The following TSEN2 variants were observed in gnomAD, a reference collection of about 807,000 sequenced individuals.
TSEN2 encodes the protein tRNA splicing endonuclease subunit 2, also known as tRNA-splicing endonuclease subunit Sen2.
Under a neutral mutation model 59.2 loss-of-function variants are expected in TSEN2, and 54 were observed. The ratio of observed to expected loss-of-function variants is 0.91; its 90% CI spans 0.73 to 1.14. The LOEUF is 1.14. Ranked by LOEUF, TSEN2 falls within the 50% of genes most tolerant of loss-of-function variation. The pLI is 0.00. For synonymous variants in TSEN2, 195 were observed against 198.2 expected, an observed-to-expected ratio of 0.98 and a Z score of 0.14; for missense variants, 636 against 576.2, an observed-to-expected ratio of 1.10 and a Z score of -1.06.
intron 11 of TSEN2, 55 bp downstream of exon 11, chr3:12,531,714 T>C: frequency 8.4e-7 from 1 of 1,193,190 alleles, no homozygotes; most frequent in Admixed American, 1.7e-5. Flanking sequence ...AATCATAGTG[T>C]ATCTGGAACA....
chr3:12,524,691 A>G (rs2056935997), intron 8 of TSEN2, among the ~76,000 whole-genome samples: 2 of 151,100 alleles, frequency 1.3e-5, no homozygotes, highest in South Asian at 2.1e-4. Flanking sequence ...GGACATGAAC[A>G]TATCTTTCTG....
At chr3:12,490,172 G>T (rs1045100401) in intron 2 of TSEN2, among the ~76,000 whole-genome samples, 183 bp downstream of exon 2, 3 of 152,174 alleles carry the variant, frequency 2.0e-5, no homozygotes, top group African/African-American at 4.8e-5. Flanking sequence ...ATATGTTAGG[G>T]TAATAGAATG....
intron 3 of TSEN2, among the ~76,000 whole-genome samples, chr3:12,494,830 T>G (rs1265667655): frequency 6.6e-6 from 1 of 151,818 alleles, no homozygotes; most frequent in Admixed American, 6.6e-5. Context: ...ATTACATAAT[T>G]ATAAAAAAAG....
intron 8 of TSEN2, among the ~76,000 whole-genome samples, chr3:12,526,109 C>T (rs1052320404): frequency 3.9e-5 from 6 of 151,900 alleles, no homozygotes; most frequent in South Asian, 2.1e-4. Context: ...GAGGACAAGG[C>T]GAACGGATCC....
chr3:12,490,108 T>C, intron 2 of TSEN2, 119 bp downstream of exon 2: 1 of 1,016,412 alleles, frequency 9.8e-7, no homozygotes, highest in Admixed American at 1.7e-5. Context: ...ATTCTTTCCT[T>C]GCGGTTTGGT....
At chr3:12,492,852 G>A (rs1459010457) in intron 3 of TSEN2, among the ~76,000 whole-genome samples, 1 of 152,190 alleles carries the variant, frequency 6.6e-6, no homozygotes, top group Non-Finnish European at 1.5e-5. Flanking sequence ...CTGGTGGGGT[G>A]CTTGTGGTAC....
At chr3:12,492,354 GAAT>G in intron 3 of TSEN2, 137 bp downstream of exon 3, 1 of 708,036 alleles carries the variant, frequency 1.4e-6, no homozygotes, top group Non-Finnish European at 2.4e-6. Context: ...AAGTTAGCTA[GAAT>G]AATTCTAATC....
intron 10 of TSEN2, chr3:12,538,699 A>T (rs1427789768): frequency 6.4e-6 from 1 of 155,478 alleles, no homozygotes; most frequent in African/African-American, 2.4e-5. Flanking sequence ...GTTTCCAAAG[A>T]GGAATTTGGG....
chr3:12,517,085 C>A (rs1436507343), intron 7 of TSEN2, among the ~76,000 whole-genome samples: 1 of 152,146 alleles, frequency 6.6e-6, no homozygotes, highest in Non-Finnish European at 1.5e-5. Flanking sequence ...CGGTGGCTCA[C>A]GCCTGTAATC....
chr3:12,531,639 A>C lies in TSEN2; in HGVS notation c.1318A>C (p.Met440Leu). 1 of 1,610,704 alleles carries C rather than the reference A, an allele frequency of 6.2e-7. No individual in the cohort carries two copies. Among genetic ancestry groups the C allele is most frequent in the Non-Finnish European group, 8.5e-7 (1 of 1,176,804 alleles). The change falls in exon 11 of 12, where the codon ATG becomes CTG. Residue 440 changes from methionine (M) to leucine (L), a missense_variant. Transcript: ENST00000284995. ...CAAGGAAATGGAGTCACCAGAATGT[A>C]TGAAAAGGATTAAAGTTCAGGTGGG... is the stretch of plus-strand genomic sequence containing the variant. ...TDKEMESPECMKRIKVQEVIL... is the reference protein window; with the variant it reads ...TDKEMESPECLKRIKVQEVIL...
At chr3:12,518,899 ACT>A (rs1326846549) in intron 7 of TSEN2, among the ~76,000 whole-genome samples, 158 bp from the exon 8 acceptor site, 2 of 151,870 alleles carry the variant, frequency 1.3e-5, no homozygotes, top group South Asian at 2.1e-4. Flanking sequence ...ACAGAGCGAG[ACT>A]CTGTCTCAAA....
In TSEN2 at chr3:12,529,880, C is replaced by G. The variant is rs755477920; in HGVS notation, c.1248+7C>G. The G allele has an allele frequency of 8.1e-6, 13 of 1,613,528 alleles. No individual in the cohort carries two copies. Among genetic ancestry groups the G allele is most frequent in the Non-Finnish European group, 1.1e-5 (13 of 1,179,872 alleles). On this transcript the variant is annotated splice_region_variant and intron_variant, in intron 10 of 11. Coordinates refer to ENST00000284995, the MANE Select transcript of TSEN2 (RefSeq NM_025265.4). The stretch of plus-strand genomic sequence containing the variant: ...TTCCGTTAATGTCTCTAAGGTAACA[C>G]AACATCAGCTTTGCCATTGGAGTGT...
At chr3:12,480,528 G>GGTTTTT (rs1553565213), upstream of TSEN2, among the ~76,000 whole-genome samples, 8 of 91,732 alleles carry the variant, frequency 8.7e-5, no homozygotes, top group Admixed American at 3.9e-4. Context: ...TTGTTTCTTT[G>GGTTTTT]TTTTTTTTTT....
chr3:12,531,781 G>A, intron 11 of TSEN2, 122 bp downstream of exon 11: 1 of 726,408 alleles, frequency 1.4e-6, no homozygotes, highest in Non-Finnish European at 2.4e-6. Context: ...AGCCTTCTCA[G>A]GCAGGCTCTT....
intron 1 of TSEN2, among the ~76,000 whole-genome samples, chr3:12,487,441 A>G (rs2052732960): frequency 6.6e-6 from 1 of 152,084 alleles, no homozygotes; most frequent in Non-Finnish European, 1.5e-5. Context: ...CTAAAATACA[A>G]CTCTTATTTG....
chr3:12,524,047 A>G (rs1387209698), intron 8 of TSEN2, among the ~76,000 whole-genome samples: 5 of 152,200 alleles, frequency 3.3e-5, no homozygotes, highest in Non-Finnish European at 7.3e-5. Context: ...CCAAATATCC[A>G]GTCTATACTT....
chr3:12,509,281 A>G (rs115554124), intron 6 of TSEN2, among the ~76,000 whole-genome samples: 3,928 of 151,794 alleles, frequency 0.026, 176 homozygotes, highest in African/African-American at 0.088. Context: ...GCACACTGCA[A>G]CGTCTGCCTC....
Position 12,489,866 on chromosome 3 carries a change from A to C in TSEN2, c.66A>C (p.Pro22=), listed in dbSNP as rs62637658. The C allele has an allele frequency of 5.8e-4, 931 of 1,614,100 alleles. 5 individuals carry two copies. In the African/African-American group the frequency reaches 0.011, roughly 20 times the overall value. The change falls in exon 2 of 12, where the codon CCA becomes CCC. Residue 22 remains proline, a synonymous_variant. Transcript: ENST00000284995. ...GAGTGTATGAGACTTACGAGTCTCC[A>C]TTGCCAATCCCTTTTGGTCAGGACC... is the stretch of plus-strand genomic sequence containing the variant. ...KRRVYETYES[P]LPIPFGQDHG...
At chr3:12,487,022 A>T (rs1347382684) in intron 1 of TSEN2, among the ~76,000 whole-genome samples, 1 of 152,156 alleles carries the variant, frequency 6.6e-6, no homozygotes, top group Non-Finnish European at 1.5e-5. Flanking sequence ...TTCCATGAAC[A>T]TATGTTTTCA....
Sources: gnomAD v4.1 joint callset for allele counts (sites outside exome capture counted in the v4.1 genomes callset) on GRCh38, gnomAD v4.1.1 for gene constraint, MANE v1.5 for transcripts, NCBI Gene and HGNC (gene_info 2026-07-23, HGNC 2026-07-21) for gene names.